TULP4: variants seen among roughly 807,000 people sequenced by gnomAD.
The protein encoded by TULP4 is TUB like protein 4.
Under a neutral mutation model 129.0 loss-of-function variants are expected in TULP4, and 16 were observed. That is an observed-to-expected ratio of 0.12 (90% confidence interval 0.08 to 0.19). TULP4 has a LOEUF of 0.19. Among genes scored for constraint, TULP4 ranks in the 10% least tolerant of loss-of-function variants. TULP4 has a pLI of 1.00. For missense variants in TULP4, 1,842 were observed against 2,059.1 expected (o/e 0.89, Z 2.04); for synonymous variants, 998 against 854.0 (o/e 1.17, Z -2.94).
intron 6 of TULP4, among the ~76,000 whole-genome samples, chr6:158,472,801 C>T (rs145862852): frequency 1.3e-3 from 193 of 152,328 alleles, no homozygotes; most frequent in African/African-American, 4.4e-3. Flanking sequence ...CTTGTAACAG[C>T]AATGCTTGTG....
chr6:158,501,969 A>G lies in TULP4; in HGVS notation c.2306A>G (p.Asn769Ser). ...GSVEMGRIIQNPPPLSLPPPP... is the reference protein window; with the variant it reads ...GSVEMGRIIQSPPPLSLPPPP... The stretch of plus-strand genomic sequence containing the variant: ...GTGGAAATGGGCCGCATCATTCAGA[A>G]CCCCCCTCCACTGTCCCTGCCTCCC... Residue 769 changes from asparagine to serine, a missense_variant, in exon 13 of 14, where the codon AAC (asparagine) becomes AGC (serine). Coordinates refer to ENST00000367097, the MANE Select transcript of TULP4 (RefSeq NM_020245.5). 1.2e-6 allele frequency: 2 copies of G among 1,608,216 alleles called. No individual in the cohort carries two copies. The highest frequency in any genetic ancestry group is 2.2e-5 in the East Asian group (1 of 44,636).
intron 1 of TULP4, chr6:158,242,092 GCCTCCTCTGTTTGAC>G (rs1248392773): frequency 1.2e-6 from 1 of 815,726 alleles, no homozygotes; most frequent in Admixed American, 1.7e-5. Context: ...AAGTTGCAGA[GCCTCCTCTGTTTGAC>G]CCTGAAGCTG....
chr6:158,302,737 G>A (rs1250390985), intron 1 of TULP4, among the ~76,000 whole-genome samples: 1 of 152,058 alleles, frequency 6.6e-6, no homozygotes, highest in Non-Finnish European at 1.5e-5. Flanking sequence ...GACCGAGACC[G>A]AGTCCGGGAA....
chr6:158,499,770 TG>T (rs1441494038), intron 12 of TULP4, among the ~76,000 whole-genome samples: 1 of 152,162 alleles, frequency 6.6e-6, no homozygotes, highest in East Asian at 1.9e-4. Flanking sequence ...CATTTCAGCT[TG>T]GGCCCTCCTC....
At chr6:158,241,814 C>T (rs1246148912) in intron 1 of TULP4, 54 of 545,536 alleles carry the variant, frequency 9.9e-5, no homozygotes, top group African/African-American at 1.9e-5. Context: ...AGGCTGGTCT[C>T]GAACTCCTGA....
chr6:158,288,704 G>C (rs937467256), intron 1 of TULP4, among the ~76,000 whole-genome samples: 1 of 152,054 alleles, frequency 6.6e-6, no homozygotes, highest in East Asian at 1.9e-4. Flanking sequence ...GTTTCACCGT[G>C]TTAGCCAGGA....
chr6:158,427,158 A>T (rs1778513542), intron 2 of TULP4, among the ~76,000 whole-genome samples: 1 of 152,196 alleles, frequency 6.6e-6, no homozygotes, highest in African/African-American at 2.4e-5. Flanking sequence ...AAAGGAATGA[A>T]CTACTGACAC....
Position 158,314,173 on chromosome 6 carries a change from G to A in TULP4, c.157G>A (p.Gly53Arg). The A allele has an allele frequency of 6.2e-7, 1 of 1,614,184 alleles. No individual in the cohort carries two copies. The highest frequency in any genetic ancestry group is 1.6e-4 in the Middle Eastern group (1 of 6,062). Reference protein sequence around the residue: ...EGWLATGNGRGVVGVTFTSSH... With the variant: ...EGWLATGNGRRVVGVTFTSSH... ...CTGGCTGGCCACGGGCAACGGGCGA[G>A]GAGTGGTTGGGGTGACTTTCACCTC... The change falls in exon 1 of 14, where the codon GGA becomes AGA. Residue 53 changes from glycine to arginine, a missense_variant. By Grantham distance (125) the Gly-to-Arg change is moderately radical. This residue lies in a region of TULP4 where 151 missense variants were observed against 268.7 expected (regional missense o/e 0.56). Coordinates refer to ENST00000367097, the MANE Select transcript of TULP4 (RefSeq NM_020245.5).
At chr6:158,405,787 A>G (rs1777966218) in intron 1 of TULP4, among the ~76,000 whole-genome samples, 1 of 152,164 alleles carries the variant, frequency 6.6e-6, no homozygotes, top group South Asian at 2.1e-4. Flanking sequence ...GATCCCGGAC[A>G]TGTTCCAAGA....
At chr6:158,309,483 C>T (rs1431302201), upstream of TULP4, among the ~76,000 whole-genome samples, 13 of 147,976 alleles carry the variant, frequency 8.8e-5, no homozygotes, top group South Asian at 2.1e-4. Flanking sequence ...ACTTCCCAGA[C>T]GGGGTGGCGG....
At chr6:158,333,503 T>C (rs1463100958) in intron 1 of TULP4, among the ~76,000 whole-genome samples, 1 of 152,238 alleles carries the variant, frequency 6.6e-6, no homozygotes, top group African/African-American at 2.4e-5. Flanking sequence ...GTATTTGATA[T>C]GGCAGCACAA....
chr6:158,324,948 T>C (rs1779713324), intron 1 of TULP4, among the ~76,000 whole-genome samples: 1 of 152,100 alleles, frequency 6.6e-6, no homozygotes. Context: ...TGGAAGAGTT[T>C]GGTGAAGTGT....
intron 1 of TULP4, among the ~76,000 whole-genome samples, chr6:158,348,173 G>GTTTGTTTT (rs1780359871): frequency 8.9e-6 from 1 of 112,170 alleles, no homozygotes; most frequent in African/African-American, 3.8e-5. Context: ...TTTTTTTAAG[G>GTTTGTTTT]TTTTTTTTTT....
chr6:158,334,430 G>A (rs1698656275), intron 1 of TULP4, among the ~76,000 whole-genome samples: 1 of 152,078 alleles, frequency 6.6e-6, no homozygotes, highest in South Asian at 2.1e-4. Context: ...TCTTTTTCTA[G>A]CTTTATTGTA....
intron 1 of TULP4, among the ~76,000 whole-genome samples, chr6:158,389,867 GT>G (rs1777543629): frequency 1.3e-5 from 2 of 152,164 alleles, no homozygotes. Flanking sequence ...ATGCTAGGTA[GT>G]TTTATTTGAT....
At chr6:158,248,330 C>T (rs752146285) in intron 1 of TULP4, among the ~76,000 whole-genome samples, 63 of 151,708 alleles carry the variant, frequency 4.2e-4, no homozygotes, top group Non-Finnish European at 6.2e-4. Flanking sequence ...AGTGCAGTGG[C>T]GCAATCTTGG....
chr6:158,337,128 C>G (rs865783089), intron 1 of TULP4, among the ~76,000 whole-genome samples: 2 of 73,850 alleles, frequency 2.7e-5, no homozygotes, highest in African/African-American at 5.8e-5. Flanking sequence ...CTTTCTTTCT[C>G]TTTTTTTTTT....
rs1308844470 is a variant in TULP4, at chr6:158,241,107, G to T, written n.68+8804G>T. On this transcript the variant is annotated intron_variant and non_coding_transcript_variant, in intron 1 of 1. Transcript: ENST00000620026. ...GCAGAGGCGCTCCTCACGTCCCAGA[G>T]GGGGCGGCGGGGCAGAGGCGCTCCC... is the stretch of plus-strand genomic sequence containing the variant. 2.8e-3 allele frequency among the ~76,000 whole-genome samples: 392 copies of T among 138,412 alleles called. 1 individual carries two copies. The highest frequency in any genetic ancestry group is 9.4e-3 in the African/African-American group (366 of 38,736). The allele number at this position is 138,412 out of a possible 152,430, so 90.8% of individuals were successfully genotyped here. A position where few individuals can be genotyped will look rare whatever the true frequency, so the allele number is the denominator to read the frequency against.
chr6:158,307,050 A>G (rs1347932778), intron 1 of TULP4, among the ~76,000 whole-genome samples: 1 of 152,218 alleles, frequency 6.6e-6, no homozygotes, highest in Non-Finnish European at 1.5e-5. Context: ...GATAAAAAAT[A>G]TTCCCTAATT....
Sources: allele counts gnomAD v4.1 joint callset (sites outside exome capture counted in the v4.1 genomes callset), GRCh38; gene constraint gnomAD v4.1.1; regional missense constraint gnomAD v4.1.1; transcripts MANE v1.5; gene names NCBI Gene and HGNC (gene_info 2026-07-23, HGNC 2026-07-21).